Variants in PPP2R2B observed in about 807,000 individuals in gnomAD.
PPP2R2B encodes protein phosphatase 2 regulatory subunit Bbeta, also known as serine/threonine-protein phosphatase 2A 55 kDa regulatory subunit B beta isoform.
A neutral mutation model predicts 46.0 loss-of-function variants in PPP2R2B; 5 were observed. The observed-to-expected ratio is 0.11, with a 90% CI of 0.06 to 0.23. PPP2R2B has a LOEUF of 0.23. Among genes scored for constraint, PPP2R2B ranks in the 10% least tolerant of loss-of-function variants. The pLI is 1.00. For missense variants in PPP2R2B, 367 were observed against 575.0 expected, an observed-to-expected ratio of 0.64 and a Z score of 3.70; for synonymous variants, 215 against 206.7, an observed-to-expected ratio of 1.04 and a Z score of -0.34.
chr5:146,956,623 A>G lies in PPP2R2B; in HGVS notation c.79+99042T>C, dbSNP rs181434558. ...CAGACCAGTCCATAGACTTGAGATT[A>G]TAGCTCTTTCCAGAAGACAATATGC... On this transcript the variant is annotated intron_variant, in intron 1 of 8. Transcript: ENST00000336640. Among the ~76,000 whole-genome samples, 984 of 152,336 alleles carry G rather than the reference A, an allele frequency of 6.5e-3. 4 individuals are homozygous for G. The highest frequency in any genetic ancestry group is 0.014 in the Middle Eastern group (4 of 294).
intron 5 of PPP2R2B, among the ~76,000 whole-genome samples, chr5:146,689,464 C>T (rs763775108): frequency 9.2e-5 from 14 of 152,120 alleles, no homozygotes; most frequent in East Asian, 1.9e-4. Flanking sequence ...CAGGAACAGG[C>T]GTACAGGTTT....
chr5:146,585,259 T>TACACACACACACACATACAC lies in PPP2R2B; in HGVS notation c.*4687_*4688insGTGTATGTGTGTGTGTGTGT, dbSNP rs369464745. On this transcript the variant is annotated 3_prime_UTR_variant, in exon 10 of 10. Coordinates refer to ENST00000394411, the MANE Select transcript of PPP2R2B (RefSeq NM_181675.4). ...GATCAGTAACTTCCATCTACATGCA[T>TACACACACACACACATACAC]ACACACACACACACACACACACACA... is the stretch of plus-strand genomic sequence containing the variant. The TACACACACACACACATACAC allele has an allele frequency of 1.0e-3, 133 of 129,950 alleles. No homozygotes were observed. Among genetic ancestry groups the TACACACACACACACATACAC allele is most frequent in the African/African-American group, 3.6e-3 (117 of 32,378 alleles). The allele number at this position is 129,950 out of a possible 1,614,324, so 8.0% of individuals were successfully genotyped here. A position where few individuals can be genotyped will look rare whatever the true frequency, so the allele number is the denominator to read the frequency against.
intron 1 of PPP2R2B, among the ~76,000 whole-genome samples, chr5:146,898,810 C>T (rs1463861712): frequency 3.3e-5 from 4 of 120,900 alleles, no homozygotes; most frequent in Non-Finnish European, 6.5e-5. Context: ...AAAAAGTGGG[C>T]GAAGGACATG....
rs544149008 is a variant in PPP2R2B, at chr5:147,077,570, C to T, written c.50+3489G>A. Among the ~76,000 whole-genome samples the T allele has an allele frequency of 4.6e-5, 7 of 152,186 alleles. 1 individual carries two copies. The highest frequency in any genetic ancestry group is 1.7e-4 in the African/African-American group (7 of 41,520). On this transcript the variant is annotated intron_variant, in intron 2 of 10. Transcript: ENST00000394413. Reference sequence around the variant, plus strand: ...TAAACCCCTTCACTTTCCTTTCAACCAGATTTTTAACTAGTAGCAAGTGAA... The same window carrying T: ...TAAACCCCTTCACTTTCCTTTCAACTAGATTTTTAACTAGTAGCAAGTGAA...
intron 5 of PPP2R2B, among the ~76,000 whole-genome samples, chr5:146,661,844 T>C (rs775836285): frequency 1.1e-4 from 17 of 152,200 alleles, no homozygotes; most frequent in Admixed American, 6.6e-5. Flanking sequence ...CTGCCTTTCC[T>C]GTTATTTCCT....
intron 1 of PPP2R2B, among the ~76,000 whole-genome samples, chr5:147,047,510 T>C (rs981056131): frequency 6.6e-6 from 1 of 152,118 alleles, no homozygotes; most frequent in Non-Finnish European, 1.5e-5. Flanking sequence ...TCTACTAATA[T>C]AAAGAGTATT....
chr5:146,924,499 C>T (rs950693823), intron 1 of PPP2R2B, among the ~76,000 whole-genome samples: 2 of 151,852 alleles, frequency 1.3e-5, no homozygotes, highest in East Asian at 4.0e-4. Flanking sequence ...TAAGAAAGGA[C>T]AGGACAACAG....
At chr5:146,699,938 C>T (rs1245300144) in intron 3 of PPP2R2B, among the ~76,000 whole-genome samples, 2 of 152,202 alleles carry the variant, frequency 1.3e-5, no homozygotes, top group South Asian at 2.1e-4. Flanking sequence ...TTCTACTTGC[C>T]AACCACATTT....
intron 2 of PPP2R2B, among the ~76,000 whole-genome samples, chr5:146,740,384 C>G (rs1368109004): frequency 1.3e-5 from 2 of 151,992 alleles, no homozygotes; most frequent in Non-Finnish European, 2.9e-5. Context: ...GAAGAGTGCT[C>G]CAGGTAGAGG....
chr5:146,861,054 C>CTTTTTTTTTTTT (rs1211197915), intron 2 of PPP2R2B, among the ~76,000 whole-genome samples: 1 of 101,720 alleles, frequency 9.8e-6, no homozygotes, highest in Non-Finnish European at 1.9e-5. Context: ...TGAATTTTTT[C>CTTTTTTTTTTTT]TTTTTTTTTT....
intron 2 of PPP2R2B, chr5:146,706,401 C>T (rs1779855047): frequency 5.1e-6 from 4 of 780,382 alleles, no homozygotes; most frequent in Admixed American, 3.7e-5. Flanking sequence ...CCTGCATAGC[C>T]GCTGGTGGTC....
intron 1 of PPP2R2B, among the ~76,000 whole-genome samples, chr5:146,911,977 C>G (rs978018104): frequency 1.3e-5 from 2 of 152,140 alleles, no homozygotes; most frequent in African/African-American, 4.8e-5. Context: ...GTGGCCCACG[C>G]CTGTAATCCC....
intron 2 of PPP2R2B, among the ~76,000 whole-genome samples, chr5:146,793,223 G>A (rs1756321542): frequency 6.6e-6 from 1 of 152,222 alleles, no homozygotes; most frequent in African/African-American, 2.4e-5. Flanking sequence ...ATCAACTGAG[G>A]AAGGGACAGT....
At chr5:146,609,684 G>A (rs1382264228) in intron 7 of PPP2R2B, among the ~76,000 whole-genome samples, 3 of 148,874 alleles carry the variant, frequency 2.0e-5, no homozygotes, top group African/African-American at 7.5e-5. Flanking sequence ...CACCTGGGAA[G>A]CGCAAGGGGT....
chr5:146,591,740 T>C (rs967623713), intron 9 of PPP2R2B, among the ~76,000 whole-genome samples: 2 of 152,132 alleles, frequency 1.3e-5, no homozygotes, highest in Non-Finnish European at 2.9e-5. Flanking sequence ...GTTGTGATGT[T>C]ATAGAAAGAG....
At position 146,878,621 on chromosome 5, in the gene PPP2R2B, G is replaced by C. The variant is rs1364921392; in HGVS notation, c.-155C>G. 2.2e-5 allele frequency: 28 copies of C among 1,245,750 alleles called. No individual in the cohort carries two copies. The highest frequency in any genetic ancestry group is 7.8e-5 in the African/African-American group (5 of 63,768). 77.2% of individuals were successfully genotyped at this position (1,245,750 alleles called of 1,614,324 possible). ...CGGAATGAGGGTGCTGGTCCCACGG[G>C]AGGGCGGCTCCGGCAGGCGGGGGTA... is the stretch of plus-strand genomic sequence containing the variant. On this transcript the variant is annotated 5_prime_UTR_variant, in exon 1 of 10. Coordinates refer to ENST00000394411, the MANE Select transcript of PPP2R2B (RefSeq NM_181675.4). This position sits in a 1 kb window ranked among gnomAD's most constrained non-coding sequence, Gnocchi z 4.5.
At chr5:146,850,313 C>T (rs1362207771) in intron 2 of PPP2R2B, among the ~76,000 whole-genome samples, 1 of 152,178 alleles carries the variant, frequency 6.6e-6, no homozygotes, top group Non-Finnish European at 1.5e-5. Flanking sequence ...ATTCTTTGCA[C>T]TGCAGCCAGA....
chr5:147,006,681 A>G (rs946747678), intron 1 of PPP2R2B, among the ~76,000 whole-genome samples: 1 of 152,128 alleles, frequency 6.6e-6, no homozygotes, highest in African/African-American at 2.4e-5. Context: ...TACAATCCCA[A>G]ATAGACTCTT....
intron 7 of PPP2R2B, among the ~76,000 whole-genome samples, chr5:146,635,255 C>T (rs1445860549): frequency 1.3e-5 from 2 of 151,740 alleles, no homozygotes; most frequent in East Asian, 3.9e-4. Flanking sequence ...AAAGCATCTG[C>T]TCTAAATCAC....
Sources: gnomAD v4.1 joint callset for allele counts (sites outside exome capture counted in the v4.1 genomes callset) on GRCh38, gnomAD v4.1.1 for gene constraint, Gnocchi (gnomAD v3.1) non-coding constraint, MANE v1.5 for transcripts, NCBI Gene and HGNC (gene_info 2026-07-23, HGNC 2026-07-21) for gene names.